The following AKT2 variants were observed in gnomAD, a reference collection of about 807,000 sequenced individuals.
AKT2 encodes the protein RAC-beta serine/threonine-protein kinase.
A neutral mutation model predicts 58.6 loss-of-function variants in AKT2; 16 were observed. That is an observed-to-expected ratio of 0.27 (90% CI 0.18 to 0.41). The LOEUF is 0.41. Ranked by LOEUF, AKT2 falls within the 10% of genes least tolerant of loss-of-function variation. The pLI is 1.00. For synonymous variants in AKT2, 253 were observed against 254.0 expected (o/e 1.00, Z 0.04); for missense variants, 438 against 661.0 (o/e 0.66, Z 3.70).
Position 40,237,915 on chromosome 19 carries a change from G to A in AKT2, c.831+54C>T, listed in dbSNP as rs1056699700. The A allele has an allele frequency of 5.6e-6, 9 of 1,607,400 alleles. No homozygotes were observed. The highest frequency in any genetic ancestry group is 7.6e-6 in the Non-Finnish European group (9 of 1,177,818). ...GCTCAGCCCAACTTCCCCAGTGTGA[G>A]TCCCATGTGGTGTGCATGCCACAGG... On this transcript the variant is annotated intron_variant, in intron 9 of 13. Transcript: ENST00000392038. The surrounding 1 kb of genome is among the most constrained non-coding windows in gnomAD (Gnocchi z 4.5).
intron 2 of AKT2, among the ~76,000 whole-genome samples, chr19:40,258,817 T>C (rs147064386): frequency 2.6e-5 from 4 of 152,156 alleles, no homozygotes; most frequent in Non-Finnish European, 4.4e-5. Context: ...ATTGTTAAGA[T>C]GGCAATACTA....
intron 1 of AKT2, among the ~76,000 whole-genome samples, chr19:40,269,916 A>G (rs907919232): frequency 6.6e-6 from 1 of 152,134 alleles, no homozygotes; most frequent in African/African-American, 2.4e-5. Context: ...CCCATGCAAC[A>G]TAAAAGCCAA....
chr19:40,236,113 G>A lies in AKT2; in HGVS notation c.961-9C>T. On this transcript the variant is annotated splice_polypyrimidine_tract_variant and intron_variant, in intron 10 of 13. Coordinates refer to ENST00000392038, the MANE Select transcript of AKT2 (RefSeq NM_001626.6). ...TCATTGTCCTCCAGCACCTGAGGAT[G>A]GAGGAGAAATGAGGGCTGGGCCCGT... 6.2e-7 allele frequency: 1 copy of A among 1,614,010 alleles called. No homozygotes were observed. The highest frequency in any genetic ancestry group is 2.2e-5 in the East Asian group (1 of 44,862).
rs1422210597 is a variant in AKT2, at chr19:40,231,861, T to C, written c.*2011A>G. The C allele has an allele frequency of 8.6e-6, 2 of 233,328 alleles. No homozygotes were observed. The highest frequency in any genetic ancestry group is 2.2e-5 in the African/African-American group (1 of 45,360). The allele number at this position is 233,328 out of a possible 1,614,324, so 14.5% of individuals were successfully genotyped here. A position where few individuals can be genotyped will look rare whatever the true frequency, so the allele number is the denominator to read the frequency against. On this transcript the variant is annotated 3_prime_UTR_variant, in exon 14 of 14. Coordinates refer to ENST00000392038, the MANE Select transcript of AKT2 (RefSeq NM_001626.6). ...CACCATGAACACACCACTGGGTCTGTACTGGAATTTGGGGGCCTCAAGGCT... is the reference window on the plus strand; with the variant it reads ...CACCATGAACACACCACTGGGTCTGCACTGGAATTTGGGGGCCTCAAGGCT...
Position 40,242,391 on chromosome 19 carries a change from C to T in AKT2, c.441+143G>A. ...GGAGCACACCCTAGGGCACCTGCCA[C>T]CTGAAATCACCCCACCCTGCAGGGC... On this transcript the variant is annotated intron_variant, in intron 5 of 13. Coordinates refer to ENST00000392038, the MANE Select transcript of AKT2 (RefSeq NM_001626.6). This position sits in a 1 kb window ranked among gnomAD's most constrained non-coding sequence, Gnocchi z 4.3. The T allele has an allele frequency of 7.5e-7, 1 of 1,335,856 alleles. No homozygotes were observed. The allele number at this position is 1,335,856 out of a possible 1,614,324, so 82.8% of individuals were successfully genotyped here.
chr19:40,267,819 G>A (rs1363704787), intron 1 of AKT2, among the ~76,000 whole-genome samples: 2 of 152,182 alleles, frequency 1.3e-5, no homozygotes, highest in Non-Finnish European at 2.9e-5. Flanking sequence ...AGTCTGGTGT[G>A]AGGGGCAGAA....
rs570836037 is a variant in AKT2, at chr19:40,237,688, C to T, written c.831+281G>A. 5.4e-5 allele frequency: 24 copies of T among 441,724 alleles called. No homozygotes were observed. In the East Asian group the frequency reaches 6.5e-4, roughly 12 times the overall value. 27.4% of individuals were successfully genotyped at this position (441,724 alleles called of 1,614,324 possible). On this transcript the variant is annotated intron_variant, in intron 9 of 13. Transcript: ENST00000392038. The surrounding 1 kb of genome is among the most constrained non-coding windows in gnomAD (Gnocchi z 4.5). ...GTAGGTATTGTGGCAGTTGACACTC[C>T]GCTAGTGGCCTAGGAGCGCTCATGG...
At position 40,273,144 on chromosome 19, in the gene AKT2, C is replaced by T. The variant is rs559296220; in HGVS notation, c.-84-7793G>A. Among the ~76,000 whole-genome samples the T allele has an allele frequency of 3.5e-4, 53 of 152,178 alleles. 1 individual carries two copies. The South Asian group carries it at 0.01, about 29-fold the overall frequency. The stretch of plus-strand genomic sequence containing the variant: ...AAATCACAAGGTCAGGAGGTCGAGA[C>T]CAGCCTGGCCAATATGGTGAAACTC... On this transcript the variant is annotated intron_variant, in intron 1 of 13. Transcript: ENST00000392038.
chr19:40,240,285 C>G, intron 6 of AKT2, 175 bp from the exon 7 acceptor site: 1 of 798,202 alleles, frequency 1.3e-6, no homozygotes, highest in Non-Finnish European at 2.3e-6. Context: ...CAGACCCAGA[C>G]GAGGATCATC....
chr19:40,276,729 T>C (rs763423279), intron 1 of AKT2, among the ~76,000 whole-genome samples: 38 of 152,062 alleles, frequency 2.5e-4, no homozygotes, highest in African/African-American at 6.3e-4. Flanking sequence ...AAGATAATTT[T>C]TGCAGGCCAG....
chr19:40,273,052 T>C (rs938478780), intron 1 of AKT2, among the ~76,000 whole-genome samples: 10 of 152,156 alleles, frequency 6.6e-5, no homozygotes, highest in African/African-American at 2.4e-4. Context: ...TATCAAATAT[T>C]ATCATCACTG....
At position 40,238,956 on chromosome 19, in the gene AKT2, G is replaced by A. The variant is rs371334732; in HGVS notation, c.657C>T (p.Phe219=). ...HPFLTALKYA[F]QTHDRLCFVM... is the part of the protein sequence containing the mutation. Reference sequence around the variant, plus strand: ...CAAAGCACAGGCGGTCGTGGGTCTGGAAGGCATACTTCAGCGCCTGGGGGA... The same window carrying A: ...CAAAGCACAGGCGGTCGTGGGTCTGAAAGGCATACTTCAGCGCCTGGGGGA... The change falls in exon 8 of 14, where the codon TTC becomes TTT. Residue 219 remains phenylalanine, a synonymous_variant. Transcript: ENST00000392038. This position sits in a 1 kb window ranked among gnomAD's most constrained non-coding sequence, Gnocchi z 5.1. 9.9e-6 allele frequency: 16 copies of A among 1,613,856 alleles called. No homozygotes were observed. The highest frequency in any genetic ancestry group is 1.6e-4 in the Middle Eastern group (1 of 6,062).
chr19:40,233,202 G>T lies in AKT2; in HGVS notation c.*670C>A. The T allele has an allele frequency of 3.8e-6, 1 of 266,098 alleles. No homozygotes were observed. 16.5% of individuals were successfully genotyped at this position (266,098 alleles called of 1,614,324 possible). ...CATAGGGTGAGGACAGTTTGGTGGG[G>T]AGGAGGCCGGACCAGGAGGCGGCAC... On this transcript the variant is annotated 3_prime_UTR_variant, in exon 14 of 14. Coordinates refer to ENST00000392038, the MANE Select transcript of AKT2 (RefSeq NM_001626.6). The surrounding 1 kb of genome is among the most constrained non-coding windows in gnomAD (Gnocchi z 4.3).
chr19:40,231,620 C>T lies in AKT2; in HGVS notation c.*2252G>A, dbSNP rs1450502739. 4 of 233,236 alleles carry T rather than the reference C, an allele frequency of 1.7e-5. No individual in the cohort carries two copies. Among genetic ancestry groups the T allele is most frequent in the African/African-American group, 8.8e-5 (4 of 45,354 alleles). 14.4% of individuals were successfully genotyped at this position (233,236 alleles called of 1,614,324 possible). On this transcript the variant is annotated 3_prime_UTR_variant, in exon 14 of 14. Transcript: ENST00000392038. ...GCCAGGCCCTCTGCACAGCAGGGCT[C>T]AGCAGGGCAGGCCAGGGCTCTGGTC...
At chr19:40,269,875 T>G (rs536377491) in intron 1 of AKT2, among the ~76,000 whole-genome samples, 38 of 151,906 alleles carry the variant, frequency 2.5e-4, no homozygotes, top group Non-Finnish European at 4.6e-4. Context: ...ACCACCTGAG[T>G]CAGCTCCCAC....
At chr19:40,261,932 T>TA (rs918724690) in intron 2 of AKT2, among the ~76,000 whole-genome samples, 7 of 149,126 alleles carry the variant, frequency 4.7e-5, no homozygotes, top group Non-Finnish European at 7.4e-5. Context: ...GGATAAAAAC[T>TA]AAAAAAAACC....
intron 9 of AKT2, chr19:40,236,668 T>C: frequency 6.2e-6 from 3 of 484,214 alleles, no homozygotes; most frequent in Non-Finnish European, 1.1e-5. Context: ...GTGGTTCTTA[T>C]TTCGAACGTG....
chr19:40,231,326 G>T lies in AKT2; in HGVS notation c.*2546C>A, dbSNP rs931483182. On this transcript the variant is annotated 3_prime_UTR_variant, in exon 14 of 14. Transcript: ENST00000392038. ...AGGAGCAGCAACGTGGGTCAACTCG[G>T]GGCTGGGACGAGATGGAAGAGTAAA... 15 of 232,672 alleles carry T rather than the reference G, an allele frequency of 6.4e-5. No homozygotes were observed. The highest frequency in any genetic ancestry group is 2.9e-4 in the African/African-American group (13 of 45,298). 14.4% of individuals were successfully genotyped at this position (232,672 alleles called of 1,614,324 possible).
In AKT2 at chr19:40,232,291, G is replaced by A. The variant is rs1157122671; in HGVS notation, c.*1581C>T. On this transcript the variant is annotated 3_prime_UTR_variant, in exon 14 of 14. Coordinates refer to ENST00000392038, the MANE Select transcript of AKT2 (RefSeq NM_001626.6). ...GGTCTGACTCCATCACCAAGGCAAA[G>A]CCCAGAGTGGTTGGGCTGGCGTGAG... 4.3e-6 allele frequency: 1 copy of A among 233,884 alleles called. No individual in the cohort carries two copies. The highest frequency in any genetic ancestry group is 6.0e-5 in the East Asian group (1 of 16,592). 14.5% of individuals were successfully genotyped at this position (233,884 alleles called of 1,614,324 possible). A position where few individuals can be genotyped will look rare whatever the true frequency, so the allele number is the denominator to read the frequency against.
Sources: allele counts gnomAD v4.1 joint callset (sites outside exome capture counted in the v4.1 genomes callset), GRCh38; gene constraint gnomAD v4.1.1; non-coding constraint Gnocchi (gnomAD v3.1); transcripts MANE v1.5; gene names NCBI Gene and HGNC (gene_info 2026-07-23, HGNC 2026-07-21).